Variants in FAM3A observed in about 807,000 individuals in gnomAD.
The protein encoded by FAM3A is FAM3 metabolism regulating signaling molecule A, also known as protein FAM3A.
Under a neutral mutation model 18.1 loss-of-function variants are expected in FAM3A, and 5 were observed. The observed-to-expected ratio is 0.28, with a 90% CI of 0.14 to 0.58. The LOEUF (loss-of-function observed/expected upper bound fraction) is 0.58. FAM3A is among the 20% of genes least tolerant of loss of function. FAM3A has a pLI of 0.91. For missense variants in FAM3A, 154 were observed against 216.6 expected (o/e 0.71, Z 1.81); for synonymous variants, 108 against 90.2 (o/e 1.20, Z -1.12).
intron 3 of FAM3A, chrX:154,511,516 C>T (rs1171562386): frequency 2.1e-5 from 5 of 232,758 alleles, no homozygotes; most frequent in Middle Eastern, 1.3e-3. Flanking sequence ...GAAAGAATCT[C>T]AGGCCACAGA....
chrX:154,508,850 G>A (rs782596645), intron 3 of FAM3A: 2 of 479,200 alleles, frequency 4.2e-6, no homozygotes, highest in South Asian at 5.1e-5. Flanking sequence ...GGCTGGCCTG[G>A]GCCACTGCAC....
At chrX:154,513,907 T>C (rs1186231497) in intron 1 of FAM3A, among the ~76,000 whole-genome samples, 1 of 110,549 alleles carries the variant, frequency 9.0e-6, no homozygotes, top group Non-Finnish European at 1.9e-5. Flanking sequence ...TCATCTCACC[T>C]CCTACTCCCT....
chrX:154,513,406 T>C (rs1470517403), intron 1 of FAM3A, among the ~76,000 whole-genome samples: 2 of 110,224 alleles, frequency 1.8e-5, no homozygotes, highest in African/African-American at 6.6e-5. Flanking sequence ...CCGAGGCGGG[T>C]AGATCATGAG....
At chrX:154,508,163 A>T (rs782031940) in intron 5 of FAM3A, 126 bp downstream of exon 5, 2 of 520,914 alleles carry the variant, frequency 3.8e-6, no homozygotes, top group Non-Finnish European at 6.1e-6. Flanking sequence ...GCGCTTGCAC[A>T]GACTCCTTCC....
At chrX:154,512,792 A>C in intron 2 of FAM3A, 31 bp downstream of exon 2, 1 of 1,117,345 alleles carries the variant, frequency 8.9e-7, no homozygotes, top group Non-Finnish European at 1.2e-6. Context: ...GGTGGCCTCC[A>C]GAGAAGGATA....
At chrX:154,508,660 G>A (rs782241029) in intron 3 of FAM3A, 63 bp from the exon 4 acceptor site, 11 of 1,129,154 alleles carry the variant, frequency 9.7e-6, no homozygotes, top group Non-Finnish European at 1.3e-5. Context: ...GATCTGAAGG[G>A]GAGGTCAGGA....
Position 154,516,078 on chromosome X carries a change from C to T in FAM3A, c.-306G>A. ...CTGGGCTCGGGCCGTTCCTCCGGGC[C>T]TGGGGGCTGGCGATGCGGGCCGGGC... On this transcript the variant is annotated 5_prime_UTR_variant, in exon 1 of 9. Transcript: ENST00000447601. The T allele has an allele frequency of 7.5e-6, 2 of 265,206 alleles. No homozygotes were observed. The highest frequency in any genetic ancestry group is 1.3e-5 in the Non-Finnish European group (2 of 149,529). 21.9% of individuals were successfully genotyped at this position (265,206 alleles called of 1,213,427 possible).
Position 154,507,811 on chromosome X carries a change from C to A in FAM3A, c.385G>T (p.Asp129Tyr). The A allele has an allele frequency of 8.4e-7, 1 of 1,189,548 alleles. No individual in the cohort carries two copies. The highest frequency in any genetic ancestry group is 3.0e-5 in the East Asian group (1 of 32,903). ...EARAFDMWAG[D>Y]VNDLLKFIRP... The stretch of plus-strand genomic sequence containing the variant: ...TGCAAGACGCTGCGCTGCAACTCAC[C>A]TCCGGCCCACATGTCAAAGGCCCGG... Residue 129 changes from aspartate (D) to tyrosine (Y), a missense_variant and splice_region_variant, in exon 6 of 9, where the codon GAT becomes TAT. Asp to Tyr is a radical substitution (Grantham distance 160). Coordinates refer to ENST00000447601, the MANE Select transcript of FAM3A (RefSeq NM_021806.4).
At position 154,507,842 on chromosome X, in the gene FAM3A, G is replaced by T. The variant is rs149150121; in HGVS notation, c.354C>A (p.Ile118=). The change falls in exon 6 of 9, where the codon ATC becomes ATA. Residue 118 remains isoleucine (I), a synonymous_variant. Transcript: ENST00000447601. ...ALVNGVSGEL[I]EARAFDMWAG... is the part of the protein sequence containing the mutation. Reference sequence around the variant, plus strand: ...CCCACATGTCAAAGGCCCGGGCCTCGATGAGCTCGCCGCTGACCCCTGTGT... The same window carrying T: ...CCCACATGTCAAAGGCCCGGGCCTCTATGAGCTCGCCGCTGACCCCTGTGT... 1.7e-6 allele frequency: 2 copies of T among 1,194,597 alleles called. No individual in the cohort carries two copies. The highest frequency in any genetic ancestry group is 6.0e-5 in the East Asian group (2 of 33,136).
intron 2 of FAM3A, 73 bp downstream of exon 2, chrX:154,512,750 G>C: frequency 1.3e-6 from 1 of 743,861 alleles, no homozygotes; most frequent in Middle Eastern, 3.3e-4. Context: ...TCCCAACCCA[G>C]AGCCTCAACC....
chrX:154,515,333 C>G (rs1313332076), intron 1 of FAM3A, among the ~76,000 whole-genome samples: 3 of 111,488 alleles, frequency 2.7e-5, no homozygotes, highest in Non-Finnish European at 5.7e-5. Flanking sequence ...CTACTCTCCA[C>G]CCAGCCCCAA....
Position 154,509,587 on chromosome X carries a change from A to T in FAM3A, c.152-990T>A, listed in dbSNP as rs2069755185. 5.4e-5 allele frequency: 6 copies of T among 112,007 alleles called. No individual in the cohort carries two copies. In the Admixed American group the frequency reaches 5.7e-4, roughly 11 times the overall value. 9.2% of individuals were successfully genotyped at this position (112,007 alleles called of 1,213,427 possible). ...CAGAATACCACAGACTGGGTAATTT[A>T]TAAAGACAACAGATTCATTTGGCTC... On this transcript the variant is annotated intron_variant, in intron 3 of 8. Transcript: ENST00000447601.
chrX:154,512,260 T>TAAGAAG (rs1349297816), intron 2 of FAM3A: 4 of 162,840 alleles, frequency 2.5e-5, no homozygotes, highest in East Asian at 2.2e-4. Context: ...ATAATAATAA[T>TAAGAAG]AATAATAAGA....
chrX:154,513,717 T>C (rs932872536), intron 1 of FAM3A, among the ~76,000 whole-genome samples: 10 of 110,636 alleles, frequency 9.0e-5, no homozygotes, highest in African/African-American at 3.3e-4. Flanking sequence ...TCCCCAGCCT[T>C]CTCTGATTTC....
intron 1 of FAM3A, among the ~76,000 whole-genome samples, chrX:154,513,852 T>G (rs1391668626): frequency 9.1e-6 from 1 of 110,347 alleles, no homozygotes; most frequent in Non-Finnish European, 1.9e-5. Flanking sequence ...CCCTAACCTT[T>G]CTTTTCCCTG....
At position 154,507,095 on chromosome X, in the gene FAM3A, T is replaced by C. The variant is rs782056966; in HGVS notation, c.597+108A>G. On this transcript the variant is annotated intron_variant, in intron 8 of 8. Coordinates refer to ENST00000447601, the MANE Select transcript of FAM3A (RefSeq NM_021806.4). Reference sequence around the variant, plus strand: ...ACTGGCCCACCCCTCATAGCTGGACTGGGGACGGTCCCCTGCTGGGGCGTG... The same window carrying C: ...ACTGGCCCACCCCTCATAGCTGGACCGGGGACGGTCCCCTGCTGGGGCGTG... The C allele has an allele frequency of 1.3e-5, 14 of 1,050,708 alleles. No individual in the cohort carries two copies. The African/African-American group carries it at 2.4e-4, about 18-fold the overall frequency. 86.6% of individuals were successfully genotyped at this position (1,050,708 alleles called of 1,213,427 possible). A position where few individuals can be genotyped will look rare whatever the true frequency, so the allele number is the denominator to read the frequency against.
At chrX:154,507,701 C>T (rs2069628978) in intron 6 of FAM3A, 110 bp downstream of exon 6, 4 of 915,113 alleles carry the variant, frequency 4.4e-6, no homozygotes, top group East Asian at 3.4e-5. Flanking sequence ...TCTGAACCCA[C>T]GGAGGTGACT....
intron 2 of FAM3A, chrX:154,512,359 A>G: frequency 3.9e-6 from 1 of 254,136 alleles, no homozygotes; most frequent in Non-Finnish European, 7.2e-6. Flanking sequence ...GAATCGCTTG[A>G]ACCCAGGAGG....
rs1392086912 is a variant in FAM3A, at chrX:154,506,219, CCT to C, written c.*590_*591del. The C allele has an allele frequency of 1.8e-5, 2 of 113,999 alleles. No individual in the cohort carries two copies. The highest frequency in any genetic ancestry group is 6.6e-5 in the African/African-American group (2 of 30,261). The allele number at this position is 113,999 out of a possible 1,213,427, so 9.4% of individuals were successfully genotyped here. On this transcript the variant is annotated 3_prime_UTR_variant, in exon 9 of 9. Coordinates refer to ENST00000447601, the MANE Select transcript of FAM3A (RefSeq NM_021806.4). ...AAGGGGTCATCTAGAAGGTGGGCCC[CCT>C]GACAAACCGCGGGACTGTGATCGGG...
Sources: gnomAD v4.1 joint callset for allele counts (sites outside exome capture counted in the v4.1 genomes callset) on GRCh38, gnomAD v4.1.1 for gene constraint, MANE v1.5 for transcripts, NCBI Gene and HGNC (gene_info 2026-07-23, HGNC 2026-07-21) for gene names.